KIF13A: variants seen among roughly 807,000 people sequenced by gnomAD.
KIF13A encodes the protein kinesin-like protein KIF13A.
In KIF13A, 79 loss-of-function variants were observed where a neutral mutation model predicts 212.2. The ratio of observed to expected loss-of-function variants is 0.37; its 90% CI spans 0.31 to 0.45. The LOEUF is 0.45. Ranked by LOEUF, KIF13A falls within the 20% of genes least tolerant of loss-of-function variation. The pLI, the probability that KIF13A is intolerant of heterozygous loss-of-function variation, is 1.00. For missense variants in KIF13A, 1,901 were observed against 2,209.0 expected (o/e 0.86, Z 2.79); for synonymous variants, 789 against 808.6 (o/e 0.98, Z 0.41).
At chr6:17,942,271 C>T (rs1777020161) in intron 2 of KIF13A, among the ~76,000 whole-genome samples, 1 of 151,832 alleles carries the variant, frequency 6.6e-6, no homozygotes, top group Non-Finnish European at 1.5e-5. Flanking sequence ...CACTGCACTC[C>T]AACCTGGGTG....
chr6:17,766,386 T>C (rs1347382205), intron 38 of KIF13A, among the ~76,000 whole-genome samples: 2 of 151,746 alleles, frequency 1.3e-5, no homozygotes, highest in Non-Finnish European at 2.9e-5. Flanking sequence ...ATTACAGGCA[T>C]GCGCCAGCAT....
chr6:17,851,887 A>G (rs1217088234), intron 7 of KIF13A, 68 bp downstream of exon 7: 20 of 742,926 alleles, frequency 2.7e-5, no homozygotes, highest in Non-Finnish European at 1.2e-5. Flanking sequence ...CATAAAATAT[A>G]CTCAGTATCA....
intron 13 of KIF13A, among the ~76,000 whole-genome samples, chr6:17,830,251 G>C (rs955403507): frequency 3.3e-5 from 5 of 152,184 alleles, no homozygotes; most frequent in Non-Finnish European, 7.3e-5. Context: ...ACATGAACAT[G>C]TTGTTTGCCT....
chr6:17,801,972 AG>A (rs1489514452), intron 20 of KIF13A, among the ~76,000 whole-genome samples: 1 of 152,200 alleles, frequency 6.6e-6, no homozygotes, highest in Non-Finnish European at 1.5e-5. Flanking sequence ...TTAGAGGAAA[AG>A]GATTATTCTA....
At position 17,828,358 on chromosome 6, in the gene KIF13A, C is replaced by G; in HGVS notation, c.1414G>C (p.Val472Leu). Residue 472 changes from valine to leucine, a missense_variant, in exon 14 of 39, where the codon GTG becomes CTG. Val to Leu is a conservative substitution (Grantham distance 32, BLOSUM62 1). Coordinates refer to ENST00000259711, the MANE Select transcript of KIF13A (RefSeq NM_022113.6). This position sits in a 1 kb window ranked among gnomAD's most constrained non-coding sequence, Gnocchi z 4.3. ...ATATCTTGAGAGGTATCTGCACCCA[C>G]CCTGGTGTGATCCTAGTAAAAGATT... Reference protein sequence around the residue: ...LVYYLKDHTRVGADTSQDIQL... With the variant: ...LVYYLKDHTRLGADTSQDIQL... The G allele has an allele frequency of 6.2e-7, 1 of 1,610,982 alleles. No individual in the cohort carries two copies. The highest frequency in any genetic ancestry group is 1.1e-5 in the South Asian group (1 of 90,290).
rs1318299039 is a variant in KIF13A at position 17,771,716 on chromosome 6, C to T, written c.4476+192G>A. 7.7e-6 allele frequency: 4 copies of T among 521,502 alleles called. No homozygotes were observed. The highest frequency in any genetic ancestry group is 1.0e-5 in the Non-Finnish European group (3 of 291,524). The allele number at this position is 521,502 out of a possible 1,614,324, so 32.3% of individuals were successfully genotyped here. A position where few individuals can be genotyped will look rare whatever the true frequency, so the allele number is the denominator to read the frequency against. ...CCATAAACACAAAGAAATAAAACCACAGCAGCAACAACAAACAAGAGATTC... is the reference window on the plus strand; with the variant it reads ...CCATAAACACAAAGAAATAAAACCATAGCAGCAACAACAAACAAGAGATTC... On this transcript the variant is annotated intron_variant, in intron 37 of 38. Transcript: ENST00000259711. This position sits in a 1 kb window ranked among gnomAD's most constrained non-coding sequence, Gnocchi z 5.4.
rs1333392539 is a variant in KIF13A, at chr6:17,900,581, T to TA, written c.147-2402dup. Reference sequence around the variant, plus strand: ...AAGCTCATCTGCTGCTACCCAAACTTACTCATCATTCATTTTAGAACAAGG... The same window carrying TA: ...AAGCTCATCTGCTGCTACCCAAACTTAACTCATCATTCATTTTAGAACAAGG... On this transcript the variant is annotated intron_variant, in intron 2 of 38. Transcript: ENST00000259711. This position sits in a 1 kb window ranked among gnomAD's most constrained non-coding sequence, Gnocchi z 4.6. Among the ~76,000 whole-genome samples, 1 of 152,212 alleles carries TA rather than the reference T, an allele frequency of 6.6e-6. No individual in the cohort carries two copies. Among genetic ancestry groups the TA allele is most frequent in the Non-Finnish European group, 1.5e-5 (1 of 68,046 alleles).
intron 3 of KIF13A, among the ~76,000 whole-genome samples, chr6:17,879,650 T>C (rs1434369663): frequency 1.3e-5 from 2 of 152,228 alleles, no homozygotes; most frequent in Non-Finnish European, 2.9e-5. Context: ...TTTGTTTGAC[T>C]GTCACTAGAA....
chr6:17,878,691 C>T (rs1251018120), intron 3 of KIF13A, among the ~76,000 whole-genome samples: 1 of 152,236 alleles, frequency 6.6e-6, no homozygotes, highest in Non-Finnish European at 1.5e-5. Context: ...TTTTGAGGGT[C>T]TACCTGTCAG....
chr6:17,975,235 C>T (rs1212203157), intron 2 of KIF13A, among the ~76,000 whole-genome samples: 4 of 152,016 alleles, frequency 2.6e-5, no homozygotes, highest in Non-Finnish European at 4.4e-5. Flanking sequence ...TTTCTGTAAT[C>T]CCAGCTACTC....
intron 2 of KIF13A, among the ~76,000 whole-genome samples, chr6:17,937,930 G>A (rs1162400809): frequency 2.0e-5 from 3 of 152,006 alleles, no homozygotes; most frequent in Non-Finnish European, 2.9e-5. Context: ...TGTATTTTTA[G>A]TAGAGATGAA....
intron 20 of KIF13A, 115 bp downstream of exon 20, chr6:17,804,246 T>C (rs1479051338): frequency 5.7e-6 from 5 of 871,562 alleles, no homozygotes; most frequent in Non-Finnish European, 8.3e-6. Flanking sequence ...CCTTGACTAT[T>C]TGCCTTAGTT....
chr6:17,834,929 C>T lies in KIF13A; in HGVS notation c.1156-858G>A, dbSNP rs1310581504. Among the ~76,000 whole-genome samples, 1 of 151,994 alleles carries T rather than the reference C, an allele frequency of 6.6e-6. No individual in the cohort carries two copies. Among genetic ancestry groups the T allele is most frequent in the East Asian group, 1.9e-4 (1 of 5,174 alleles). Reference sequence around the variant, plus strand: ...AAATTATAGGCCAGGCCAATGGCTCCTGCCTGTAACCCCAACAGTTTGGGA... The same window carrying T: ...AAATTATAGGCCAGGCCAATGGCTCTTGCCTGTAACCCCAACAGTTTGGGA... On this transcript the variant is annotated intron_variant, in intron 11 of 38. Coordinates refer to ENST00000259711, the MANE Select transcript of KIF13A (RefSeq NM_022113.6). The surrounding 1 kb of genome is among the most constrained non-coding windows in gnomAD (Gnocchi z 4.0).
chr6:17,833,156 C>CCAAACTGTA (rs1765608588), intron 12 of KIF13A, among the ~76,000 whole-genome samples: 2 of 151,918 alleles, frequency 1.3e-5, no homozygotes, highest in South Asian at 4.2e-4. Context: ...AATATACAGG[C>CCAAACTGTA]CAAACTGTAC....
chr6:17,831,352 C>G, intron 12 of KIF13A, 117 bp from the exon 13 acceptor site: 1 of 1,129,016 alleles, frequency 8.9e-7, no homozygotes, highest in Non-Finnish European at 1.3e-6. Context: ...ATTACACATG[C>G]TACTCTGCTC....
chr6:17,779,793 G>A (rs1033908401), intron 31 of KIF13A, 109 bp from the exon 32 acceptor site: 2 of 482,826 alleles, frequency 4.1e-6, no homozygotes, highest in Non-Finnish European at 7.5e-6. Context: ...AGGCTGGAGG[G>A]CAGTGGCGCG....
chr6:17,949,584 A>G (rs1777692422), intron 2 of KIF13A, among the ~76,000 whole-genome samples: 1 of 152,160 alleles, frequency 6.6e-6, no homozygotes, highest in Admixed American at 6.5e-5. Flanking sequence ...ACTTCTAAAC[A>G]ACATCACAAA....
rs1259409150 is a variant in KIF13A at position 17,773,892 on chromosome 6, G to A, written c.4219-309C>T. On this transcript the variant is annotated intron_variant, in intron 35 of 38. Coordinates refer to ENST00000259711, the MANE Select transcript of KIF13A (RefSeq NM_022113.6). The surrounding 1 kb of genome is among the most constrained non-coding windows in gnomAD (Gnocchi z 4.2). Reference sequence around the variant, plus strand: ...TCCTCCCCAGAGGTAGCTACTTTGAGCAATGTGGCATATACCCAGAGTGAC... The same window carrying A: ...TCCTCCCCAGAGGTAGCTACTTTGAACAATGTGGCATATACCCAGAGTGAC... Among the ~76,000 whole-genome samples the A allele has an allele frequency of 6.6e-6, 1 of 152,114 alleles. No homozygotes were observed. Among genetic ancestry groups the A allele is most frequent in the African/African-American group, 2.4e-5 (1 of 41,404 alleles).
intron 2 of KIF13A, among the ~76,000 whole-genome samples, chr6:17,927,031 T>C (rs1233800733): frequency 6.6e-6 from 1 of 151,898 alleles, no homozygotes; most frequent in East Asian, 1.9e-4. Context: ...TCCCCGCTAC[T>C]CAGGGGGCTG....
Sources: allele counts gnomAD v4.1 joint callset (sites outside exome capture counted in the v4.1 genomes callset), GRCh38; gene constraint gnomAD v4.1.1; non-coding constraint Gnocchi (gnomAD v3.1); transcripts MANE v1.5; gene names NCBI Gene and HGNC (gene_info 2026-07-23, HGNC 2026-07-21).